PAPPA2: variants seen among roughly 807,000 people sequenced by gnomAD.
The protein encoded by PAPPA2 is pappalysin 2, also known as pappalysin-2.
Under a neutral mutation model 176.4 loss-of-function variants are expected in PAPPA2, and 86 were observed. The observed-to-expected ratio is 0.49, with a 90% confidence interval of 0.41 to 0.58. PAPPA2 has a LOEUF of 0.58. Ranked by LOEUF, PAPPA2 falls within the 20% of genes least tolerant of loss-of-function variation. PAPPA2 has a pLI of 0.00. For synonymous variants in PAPPA2, 809 were observed against 852.2 expected (o/e 0.95, Z 0.88); for missense variants, 2,073 against 2,256.9 (o/e 0.92, Z 1.65).
chr1:176,564,741 G>GA (rs1357073752), intron 2 of PAPPA2, among the ~76,000 whole-genome samples: 2 of 100,392 alleles, frequency 2.0e-5, no homozygotes, highest in African/African-American at 7.9e-5. Flanking sequence ...TTTTTTTTTA[G>GA]AAAAAAGCAT....
intron 1 of PAPPA2, among the ~76,000 whole-genome samples, chr1:176,534,798 G>C (rs7530550): frequency 0.14 from 21,752 of 152,122 alleles, 1,758 homozygotes; most frequent in African/African-American, 0.2. Context: ...GCTTCAACTG[G>C]AAGTATATAG....
chr1:176,641,706 A>G (rs1657101999), intron 3 of PAPPA2, among the ~76,000 whole-genome samples: 1 of 151,998 alleles, frequency 6.6e-6, no homozygotes, highest in South Asian at 2.1e-4. Flanking sequence ...TATAATAAAG[A>G]AATGAGTACA....
chr1:176,630,734 A>ATGT (rs1656292715), intron 3 of PAPPA2, among the ~76,000 whole-genome samples: 1 of 152,328 alleles, frequency 6.6e-6, no homozygotes, highest in Admixed American at 6.5e-5. Flanking sequence ...GAGGTGACAC[A>ATGT]TGTATTCATG....
At chr1:176,590,861 C>A (rs1347362155) in intron 2 of PAPPA2, among the ~76,000 whole-genome samples, 1 of 152,050 alleles carries the variant, frequency 6.6e-6, no homozygotes, top group Non-Finnish European at 1.5e-5. Context: ...ATAATGATAT[C>A]TTGGTTCTAG....
intron 22 of PAPPA2, among the ~76,000 whole-genome samples, chr1:176,840,592 G>C (rs1219073874): frequency 6.6e-6 from 1 of 152,106 alleles, no homozygotes; most frequent in Non-Finnish European, 1.5e-5. Context: ...CCCTGGGGGA[G>C]GTGGGATTAT....
chr1:176,610,442 TG>T (rs1168980904), intron 3 of PAPPA2, among the ~76,000 whole-genome samples: 1 of 151,950 alleles, frequency 6.6e-6, no homozygotes, highest in Non-Finnish European at 1.5e-5. Flanking sequence ...CAGCATTCAG[TG>T]GGAAAATAAT....
At chr1:176,525,073 G>A (rs1422101995) in intron 1 of PAPPA2, among the ~76,000 whole-genome samples, 1 of 152,064 alleles carries the variant, frequency 6.6e-6, no homozygotes, top group Non-Finnish European at 1.5e-5. Context: ...TAAAATTTTA[G>A]GAGCATTATA....
At chr1:176,687,324 G>A (rs752993288) in intron 4 of PAPPA2, among the ~76,000 whole-genome samples, 1 of 152,290 alleles carries the variant, frequency 6.6e-6, no homozygotes, top group Non-Finnish European at 1.5e-5. Flanking sequence ...ATTGTCCTGG[G>A]TATGGAGGGG....
At position 176,843,201 on chromosome 1, in the gene PAPPA2, T is replaced by C. The variant is rs1421903380; in HGVS notation, c.*747T>C. ...TACAGAAGGAGAGAGAGTAATTAGA[T>C]GGAATTCTGGATGCTAGCATGTAAA... is the stretch of plus-strand genomic sequence containing the variant. On this transcript the variant is annotated 3_prime_UTR_variant, in exon 23 of 23. Transcript: ENST00000367662. 2 of 151,894 alleles carry C rather than the reference T, an allele frequency of 1.3e-5. No individual in the cohort carries two copies. The highest frequency in any genetic ancestry group is 2.9e-5 in the Non-Finnish European group (2 of 68,006). The allele number at this position is 151,894 out of a possible 1,614,324, so 9.4% of individuals were successfully genotyped here.
chr1:176,684,645 TA>T (rs894983887), intron 4 of PAPPA2, among the ~76,000 whole-genome samples: 5 of 152,078 alleles, frequency 3.3e-5, no homozygotes, highest in African/African-American at 1.2e-4. Context: ...GTTTTGAGTA[TA>T]AAAAATGATA....
chr1:176,671,788 A>T (rs1048796263), intron 4 of PAPPA2, among the ~76,000 whole-genome samples: 13 of 151,818 alleles, frequency 8.6e-5, no homozygotes, highest in African/African-American at 2.7e-4. Flanking sequence ...GGAAATCATC[A>T]TTCTCAGTAA....
At chr1:176,470,827 G>A (rs1470734255) in intron 1 of PAPPA2, among the ~76,000 whole-genome samples, 4 of 152,070 alleles carry the variant, frequency 2.6e-5, no homozygotes, top group African/African-American at 9.7e-5. Context: ...ATCGTGGCTG[G>A]GGCTGATTTC....
intron 22 of PAPPA2, among the ~76,000 whole-genome samples, chr1:176,841,000 ATAC>A (rs1395868921): frequency 1.3e-5 from 2 of 152,222 alleles, no homozygotes; most frequent in East Asian, 3.8e-4. Flanking sequence ...GCAGGCTTGA[ATAC>A]TACATCTCTC....
chr1:176,665,713 A>G (rs1207788783), intron 3 of PAPPA2, among the ~76,000 whole-genome samples: 1 of 152,180 alleles, frequency 6.6e-6, no homozygotes, highest in African/African-American at 2.4e-5. Context: ...CCATGGACAC[A>G]GGCATATACT....
In PAPPA2 at chr1:176,556,106, G is replaced by A; in HGVS notation, c.-217G>A. On this transcript the variant is annotated 5_prime_UTR_variant, in exon 2 of 23. The change abolishes an upstream ATG in the 5' untranslated region. Coordinates refer to ENST00000367662, the MANE Select transcript of PAPPA2 (RefSeq NM_020318.3). ...AGCGAGAAGCGTGCGGGAAGCACATGCCCTGGGGAGGCATAGAAGCCACAC... is the reference window on the plus strand; with the variant it reads ...AGCGAGAAGCGTGCGGGAAGCACATACCCTGGGGAGGCATAGAAGCCACAC... 1.7e-6 allele frequency: 1 copy of A among 588,788 alleles called. No individual in the cohort carries two copies. The allele number at this position is 588,788 out of a possible 1,614,324, so 36.5% of individuals were successfully genotyped here. A position where few individuals can be genotyped will look rare whatever the true frequency, so the allele number is the denominator to read the frequency against.
At chr1:176,571,107 C>T (rs372167990) in intron 2 of PAPPA2, among the ~76,000 whole-genome samples, 2 of 152,100 alleles carry the variant, frequency 1.3e-5, no homozygotes, top group Non-Finnish European at 2.9e-5. Flanking sequence ...ATTGAATGGA[C>T]GCATGGAGGA....
At chr1:176,704,876 T>C (rs1196839648) in intron 9 of PAPPA2, among the ~76,000 whole-genome samples, 2 of 152,202 alleles carry the variant, frequency 1.3e-5, no homozygotes, top group African/African-American at 2.4e-5. Flanking sequence ...AGGTAAAATA[T>C]ATTATTAAAA....
chr1:176,757,882 A>T (rs1232519142), intron 14 of PAPPA2, among the ~76,000 whole-genome samples: 1 of 152,132 alleles, frequency 6.6e-6, no homozygotes, highest in African/African-American at 2.4e-5. Flanking sequence ...ACCATGGTAA[A>T]ACCCATACCC....
At chr1:176,651,150 T>A (rs911092136) in intron 3 of PAPPA2, among the ~76,000 whole-genome samples, 1 of 151,730 alleles carries the variant, frequency 6.6e-6, no homozygotes, top group Non-Finnish European at 1.5e-5. Context: ...GTCCTAGTGT[T>A]ATGAATTGAT....
Sources: gnomAD v4.1 joint callset for allele counts (sites outside exome capture counted in the v4.1 genomes callset) on GRCh38, gnomAD v4.1.1 for gene constraint, MANE v1.5 for transcripts, NCBI Gene and HGNC (gene_info 2026-07-23, HGNC 2026-07-21) for gene names.